ZNF438: variants seen among roughly 807,000 people sequenced by gnomAD.
The protein encoded by ZNF438 is zinc finger protein 438.
A neutral mutation model predicts 38.0 loss-of-function variants in ZNF438; 25 were observed. The observed-to-expected ratio is 0.66, with a 90% confidence interval of 0.48 to 0.92. The LOEUF (loss-of-function observed/expected upper bound fraction) is 0.92. Among genes scored for constraint, ZNF438 ranks in the 40% least tolerant of loss-of-function variants. The probability of loss-of-function intolerance (pLI) is 0.00; values close to 1 mark genes in which losing one functional copy is unlikely to be tolerated. For synonymous variants in ZNF438, 372 were observed against 364.1 expected (o/e 1.02, Z -0.25); for missense variants, 1,007 against 999.6 (o/e 1.01, Z -0.10).
At chr10:30,963,901 G>C (rs774626203) in intron 1 of ZNF438, among the ~76,000 whole-genome samples, 89 of 152,158 alleles carry the variant, frequency 5.8e-4, no homozygotes, top group Non-Finnish European at 9.7e-4. Flanking sequence ...TTGCCAATGA[G>C]ATTGAATCAA....
chr10:30,917,687 C>G (rs2134788435), intron 2 of ZNF438, among the ~76,000 whole-genome samples: 1 of 152,160 alleles, frequency 6.6e-6, no homozygotes, highest in East Asian at 1.9e-4. Flanking sequence ...TGTTATGGAG[C>G]TGTATAAATT....
At chr10:30,922,594 G>T (rs1195942405) in intron 2 of ZNF438, among the ~76,000 whole-genome samples, 1 of 152,278 alleles carries the variant, frequency 6.6e-6, no homozygotes, top group East Asian at 1.9e-4. Context: ...AGCACTTTGG[G>T]AGGCTGAGGC....
intron 2 of ZNF438, among the ~76,000 whole-genome samples, chr10:30,912,303 T>C (rs776494437): frequency 1.3e-5 from 2 of 152,134 alleles, no homozygotes; most frequent in African/African-American, 2.4e-5. Flanking sequence ...TTCATCTTAC[T>C]GGACATGTTA....
At chr10:30,856,369 GTTTT>G (rs988497373) in intron 4 of ZNF438, among the ~76,000 whole-genome samples, 1 of 151,690 alleles carries the variant, frequency 6.6e-6, no homozygotes, top group Non-Finnish European at 1.5e-5. Context: ...AATAACTCGT[GTTTT>G]TTTGTTTTGT....
In ZNF438 at chr10:30,901,597, G is replaced by A. The variant is rs141051861; in HGVS notation, c.-32+7336C>T. On this transcript the variant is annotated intron_variant, in intron 3 of 5. Coordinates refer to ENST00000413025, the Ensembl canonical transcript of ZNF438. Reference sequence around the variant, plus strand: ...ATAGGACAGAATAGCAACCAAAAGGGGTCTGATGGTACTCACTGCTTGGCG... The same window carrying A: ...ATAGGACAGAATAGCAACCAAAAGGAGTCTGATGGTACTCACTGCTTGGCG... Among the ~76,000 whole-genome samples, 543 of 152,242 alleles carry A rather than the reference G, an allele frequency of 3.6e-3. 5 individuals carry two copies. The highest frequency in any genetic ancestry group is 0.013 in the African/African-American group (526 of 41,530).
intron 4 of ZNF438, among the ~76,000 whole-genome samples, chr10:30,871,092 G>A (rs1310174393): frequency 4.6e-5 from 7 of 152,152 alleles, no homozygotes; most frequent in African/African-American, 7.2e-5. Flanking sequence ...GTGAAACTAC[G>A]ATTAGATAAC....
intron 2 of ZNF438, chr10:30,920,223 T>C (rs952427566): frequency 2.6e-5 from 4 of 152,266 alleles, no homozygotes; most frequent in Admixed American, 2.6e-4. Flanking sequence ...TGGTGAGAGA[T>C]AAGAGCTGTA....
intron 1 of ZNF438, among the ~76,000 whole-genome samples, chr10:31,018,737 A>G (rs951690317): frequency 6.6e-6 from 1 of 152,240 alleles, no homozygotes; most frequent in Non-Finnish European, 1.5e-5. Flanking sequence ...GCAGATGGCC[A>G]GGGAGAAGAT....
exon 5 of ZNF438, chr10:30,848,800 G>A (rs1486114638): frequency 6.2e-7 from 1 of 1,614,228 alleles, no homozygotes; most frequent in Non-Finnish European, 8.5e-7. Flanking sequence ...TCCGACAACT[G>A]TAAGGGCGTC....
At chr10:30,985,058 T>C (rs535391954) in intron 1 of ZNF438, among the ~76,000 whole-genome samples, 14 of 152,342 alleles carry the variant, frequency 9.2e-5, no homozygotes, top group East Asian at 3.9e-4. Flanking sequence ...ATGAAGCCAG[T>C]TGTCAATTTC....
chr10:30,955,601 T>C (rs1285253610), intron 1 of ZNF438, among the ~76,000 whole-genome samples: 1 of 152,190 alleles, frequency 6.6e-6, no homozygotes, highest in East Asian at 1.9e-4. Context: ...TGTATATATG[T>C]ATCTTGAATC....
intron 4 of ZNF438, among the ~76,000 whole-genome samples, chr10:30,862,379 C>G (rs377093581): frequency 2.6e-5 from 4 of 152,118 alleles, no homozygotes; most frequent in Admixed American, 2.0e-4. Context: ...ATAGCTCACC[C>G]GCAGCCTCAA....
intron 2 of ZNF438, among the ~76,000 whole-genome samples, chr10:30,940,921 CTATATATA>C (rs139692208): frequency 2.0e-5 from 3 of 151,250 alleles, no homozygotes; most frequent in Non-Finnish European, 2.9e-5. Flanking sequence ...CCTTAAAAAA[CTATATATA>C]TATATTAGCT....
intron 3 of ZNF438, among the ~76,000 whole-genome samples, chr10:30,881,603 A>G (rs1208671905): frequency 6.6e-6 from 1 of 152,164 alleles, no homozygotes; most frequent in Non-Finnish European, 1.5e-5. Context: ...TCAAAATCCC[A>G]GTAGACTTTT....
chr10:30,965,407 C>T (rs1024455287), intron 1 of ZNF438, among the ~76,000 whole-genome samples: 4 of 152,102 alleles, frequency 2.6e-5, no homozygotes, highest in Non-Finnish European at 2.9e-5. Context: ...AACAGAACTA[C>T]CATCCAACCA....
chr10:30,946,513 C>A (rs950251023), intron 1 of ZNF438, among the ~76,000 whole-genome samples: 12 of 152,068 alleles, frequency 7.9e-5, no homozygotes, highest in African/African-American at 2.4e-4. Flanking sequence ...AAACAAACAA[C>A]CCCATCAAAA....
chr10:30,958,385 T>C (rs1165545158), intron 1 of ZNF438, among the ~76,000 whole-genome samples: 3 of 147,326 alleles, frequency 2.0e-5, no homozygotes, highest in South Asian at 2.2e-4. Flanking sequence ...AATTTTGATC[T>C]TGTGAACAAC....
chr10:30,921,203 G>A (rs1235586898), intron 2 of ZNF438: 12 of 152,046 alleles, frequency 7.9e-5, no homozygotes, highest in Non-Finnish European at 1.2e-4. Context: ...AGTTGAACCT[G>A]TATGCAAACA....
chr10:30,941,029 G>A (rs948595592), intron 2 of ZNF438, among the ~76,000 whole-genome samples: 76 of 151,984 alleles, frequency 5.0e-4, no homozygotes, highest in African/African-American at 1.6e-3. Context: ...GTCTCACTTA[G>A]ACAAATAACA....
Sources: gnomAD v4.1 joint callset for allele counts (sites outside exome capture counted in the v4.1 genomes callset) on GRCh38, gnomAD v4.1.1 for gene constraint, MANE v1.5 for transcripts, NCBI Gene and HGNC (gene_info 2026-07-23, HGNC 2026-07-21) for gene names.